Variants in HCN1 observed in about 807,000 individuals in gnomAD.
HCN1 encodes hyperpolarization activated cyclic nucleotide gated potassium channel 1, also known as potassium/sodium hyperpolarization-activated cyclic nucleotide-gated channel 1.
In HCN1, 13 loss-of-function variants were observed where a neutral mutation model predicts 78.9. That is an observed-to-expected ratio of 0.16 (90% CI 0.11 to 0.26). HCN1 has a LOEUF of 0.26. HCN1 is among the 10% of genes least tolerant of loss of function. The probability of loss-of-function intolerance (pLI) is 1.00; values close to 1 mark genes in which losing one functional copy is unlikely to be tolerated. For missense variants in HCN1, 810 were observed against 1,154.3 expected (o/e 0.70, Z 4.32); for synonymous variants, 552 against 455.5 (o/e 1.21, Z -2.70).
At chr5:45,325,142 T>A (rs1457430427) in intron 5 of HCN1, among the ~76,000 whole-genome samples, 2 of 151,712 alleles carry the variant, frequency 1.3e-5, no homozygotes, top group Non-Finnish European at 2.9e-5. Flanking sequence ...AAAAAATTGC[T>A]TCACTGACCT....
At chr5:45,504,274 C>T (rs867896198) in intron 2 of HCN1, among the ~76,000 whole-genome samples, 8 of 152,058 alleles carry the variant, frequency 5.3e-5, no homozygotes, top group African/African-American at 1.2e-4. Flanking sequence ...CAACAGGCCC[C>T]GGTGTGTGAT....
chr5:45,510,824 A>C (rs1742401036), intron 2 of HCN1, among the ~76,000 whole-genome samples: 1 of 152,050 alleles, frequency 6.6e-6, no homozygotes, highest in Non-Finnish European at 1.5e-5. Flanking sequence ...TATCTGTTAT[A>C]TCCCATCCTC....
chr5:45,624,304 A>G (rs1383683357), intron 2 of HCN1, among the ~76,000 whole-genome samples: 1 of 152,224 alleles, frequency 6.6e-6, no homozygotes, highest in Non-Finnish European at 1.5e-5. Context: ...GCAAGAGATT[A>G]TGGTGGCTCC....
chr5:45,299,372 C>T (rs943529470), intron 6 of HCN1, among the ~76,000 whole-genome samples: 4 of 151,814 alleles, frequency 2.6e-5, no homozygotes, highest in Admixed American at 6.6e-5. Flanking sequence ...AAAGTTTAAC[C>T]GTAAAAAGGG....
At chr5:45,304,651 G>T (rs1745692322) in intron 5 of HCN1, among the ~76,000 whole-genome samples, 1 of 152,024 alleles carries the variant, frequency 6.6e-6, no homozygotes, top group Non-Finnish European at 1.5e-5. Context: ...CTCCATCTTG[G>T]ACAACACAGT....
intron 6 of HCN1, among the ~76,000 whole-genome samples, chr5:45,292,537 A>G (rs1280009641): frequency 6.6e-6 from 1 of 152,028 alleles, no homozygotes; most frequent in Non-Finnish European, 1.5e-5. Context: ...GAAATTAGAA[A>G]ACAATTTAAA....
chr5:45,673,030 C>T (rs1746184626), intron 1 of HCN1, among the ~76,000 whole-genome samples: 1 of 151,402 alleles, frequency 6.6e-6, no homozygotes, highest in African/African-American at 2.4e-5. Context: ...AGCATGCTGT[C>T]CAGGGTACCA....
chr5:45,598,417 A>G (rs1372570829), intron 2 of HCN1, among the ~76,000 whole-genome samples: 12 of 152,200 alleles, frequency 7.9e-5, no homozygotes, highest in Non-Finnish European at 5.9e-5. Context: ...AAATTAATTC[A>G]AGATGGATTA....
chr5:45,495,583 A>G (rs1742007908), intron 2 of HCN1, among the ~76,000 whole-genome samples: 1 of 152,170 alleles, frequency 6.6e-6, no homozygotes, highest in Non-Finnish European at 1.5e-5. Context: ...CTAATTGAAT[A>G]CACTTTATTT....
At chr5:45,374,036 AT>A (rs1212985037) in intron 4 of HCN1, among the ~76,000 whole-genome samples, 1 of 105,750 alleles carries the variant, frequency 9.5e-6, no homozygotes, top group Non-Finnish European at 1.8e-5. Flanking sequence ...TATTATATAC[AT>A]AATATATATT....
chr5:45,263,249 A>T (rs747445495), intron 7 of HCN1, among the ~76,000 whole-genome samples: 1 of 152,168 alleles, frequency 6.6e-6, no homozygotes, highest in African/African-American at 2.4e-5. Flanking sequence ...CCTTAGGTAG[A>T]TGATTTTATG....
At chr5:45,488,931 T>G (rs1419237597) in intron 2 of HCN1, among the ~76,000 whole-genome samples, 1 of 152,184 alleles carries the variant, frequency 6.6e-6, no homozygotes, top group African/African-American at 2.4e-5. Flanking sequence ...TATGAAAGGC[T>G]TTTGCCTTAA....
At chr5:45,607,532 T>A (rs1389068326) in intron 2 of HCN1, among the ~76,000 whole-genome samples, 2 of 150,486 alleles carry the variant, frequency 1.3e-5, no homozygotes, top group Non-Finnish European at 3.0e-5. Flanking sequence ...ACATTTTAGA[T>A]TAAAACTAAA....
rs1033924838 is a variant in HCN1, at chr5:45,396,767, G to A, written c.1012-57C>T. 7.9e-6 allele frequency: 10 copies of A among 1,273,550 alleles called. No individual in the cohort carries two copies. In the African/African-American group the frequency reaches 8.8e-5, roughly 11 times the overall value. The allele number at this position is 1,273,550 out of a possible 1,614,324, so 78.9% of individuals were successfully genotyped here. ...AGCCATTAGGATGGCAGAATGAAAA[G>A]TGAGTAGGACCTGTACACAGAAGCA... On this transcript the variant is annotated intron_variant, in intron 3 of 7. Coordinates refer to ENST00000303230, the MANE Select transcript of HCN1 (RefSeq NM_021072.4).
intron 6 of HCN1, among the ~76,000 whole-genome samples, chr5:45,290,778 T>C (rs1413600228): frequency 1.3e-5 from 2 of 151,994 alleles, no homozygotes; most frequent in Non-Finnish European, 2.9e-5. Flanking sequence ...AATGGGAATG[T>C]TATAGTCTCA....
At chr5:45,437,961 G>T (rs953101459) in intron 3 of HCN1, among the ~76,000 whole-genome samples, 1 of 152,102 alleles carries the variant, frequency 6.6e-6, no homozygotes, top group African/African-American at 2.4e-5. Flanking sequence ...AGGCTTCAGT[G>T]GCTCTGCATT....
rs778847104 is a variant in HCN1 at position 45,303,716 on chromosome 5, A to G, written c.1501T>C (p.Tyr501His). 1 of 1,613,718 alleles carries G rather than the reference A, an allele frequency of 6.2e-7. No individual in the cohort carries two copies. The highest frequency in any genetic ancestry group is 1.7e-5 in the Admixed American group (1 of 59,910). The change falls in exon 6 of 8, where the codon TAT (tyrosine) becomes CAT (histidine). Residue 501 changes from tyrosine to histidine, a missense_variant. Around this residue, in one of 6 missense-constraint regions of HCN1, gnomAD observed 100 missense variants for 126.8 expected, o/e 0.79. Transcript: ENST00000303230. The stretch of plus-strand genomic sequence containing the variant: ...CCCACGGCTCCTTCTCGTATGATAT[A>G]ATCTCCAGGTTGAAACACCTCAAAT... ...LRFEVFQPGD[Y>H]IIREGAVGKK...
At chr5:45,613,230 C>T (rs1477933749) in intron 2 of HCN1, among the ~76,000 whole-genome samples, 1 of 148,058 alleles carries the variant, frequency 6.8e-6, no homozygotes, top group Admixed American at 6.9e-5. Context: ...GTTCAATTCC[C>T]ACCTATGAGT....
chr5:45,401,931 A>G (rs1739820894), intron 3 of HCN1, among the ~76,000 whole-genome samples: 1 of 152,110 alleles, frequency 6.6e-6, no homozygotes, highest in Non-Finnish European at 1.5e-5. Context: ...GACCATCTCA[A>G]TTCCAACAGG....
Sources: allele counts gnomAD v4.1 joint callset (sites outside exome capture counted in the v4.1 genomes callset), GRCh38; gene constraint gnomAD v4.1.1; regional missense constraint gnomAD v4.1.1; transcripts MANE v1.5; gene names NCBI Gene and HGNC (gene_info 2026-07-23, HGNC 2026-07-21).